ZNF491: variants seen among roughly 807,000 people sequenced by gnomAD.
ZNF491 encodes the protein zinc finger protein 491.
In ZNF491, 22 loss-of-function variants were observed where a neutral mutation model predicts 34.7. The observed-to-expected ratio is 0.63, with a 90% CI of 0.45 to 0.90. The LOEUF (loss-of-function observed/expected upper bound fraction) is 0.90, where lower values mean the gene tolerates loss of function less well. Ranked by LOEUF, ZNF491 falls within the 40% of genes least tolerant of loss-of-function variation. ZNF491 has a pLI of 0.00. For missense variants in ZNF491, 559 were observed against 531.7 expected, an observed-to-expected ratio of 1.05 and a Z score of -0.51; for synonymous variants, 148 against 174.3, an observed-to-expected ratio of 0.85 and a Z score of 1.19.
Position 11,807,327 on chromosome 19 carries a change from G to T in ZNF491, c.*60G>T. 1 of 1,345,850 alleles carries T rather than the reference G, an allele frequency of 7.4e-7. No homozygotes were observed. Among genetic ancestry groups the T allele is most frequent in the Non-Finnish European group, 9.9e-7 (1 of 1,013,090 alleles). The allele number at this position is 1,345,850 out of a possible 1,614,324, so 83.4% of individuals were successfully genotyped here. ...AGACAGGGTCTCACTATCTTGTCCAGGTTGGTCTTGAACTCCTGGCCTCAA... is the reference window on the plus strand; with the variant it reads ...AGACAGGGTCTCACTATCTTGTCCATGTTGGTCTTGAACTCCTGGCCTCAA... On this transcript the variant is annotated 3_prime_UTR_variant, in exon 3 of 3. Coordinates refer to ENST00000323169, the MANE Select transcript of ZNF491 (RefSeq NM_152356.4).
chr19:11,805,272 G>A (rs1975596202), intron 2 of ZNF491, among the ~76,000 whole-genome samples: 1 of 152,042 alleles, frequency 6.6e-6, no homozygotes, highest in Admixed American at 6.6e-5. Flanking sequence ...ATCCAGGCGT[G>A]GTGGCACATG....
rs1198617660 is a variant in ZNF491, at chr19:11,806,909, G to A, written c.956G>A (p.Arg319Lys). Residue 319 changes from arginine to lysine, a missense_variant, in exon 3 of 3, where the codon AGG (arginine) becomes AAG (lysine). Coordinates refer to ENST00000323169, the MANE Select transcript of ZNF491 (RefSeq NM_152356.4). ...TCSTSFQYHE[R>K]THTGEKPDGC... ...TCCACTTCGTTTCAATATCATGAAA[G>A]GACTCACACTGGAGAGAAACCCGAT... 3 of 1,612,726 alleles carry A rather than the reference G, an allele frequency of 1.9e-6. No individual in the cohort carries two copies. The highest frequency in any genetic ancestry group is 1.7e-5 in the Admixed American group (1 of 59,704).
In ZNF491 at chr19:11,807,230, G is replaced by C. The variant is rs374128344; in HGVS notation, c.1277G>C (p.Cys426Ser). Residue 426 changes from cysteine to serine, a missense_variant, in exon 3 of 3, where the codon TGT becomes TCT. By Grantham distance (112) the Cys-to-Ser change is moderately radical. Coordinates refer to ENST00000323169, the MANE Select transcript of ZNF491 (RefSeq NM_152356.4). ...CGKAFIRSSYCRKHERTHTIN... is the reference protein window; with the variant it reads ...CGKAFIRSSYSRKHERTHTIN... Reference sequence around the variant, plus strand: ...AAAGCCTTCATTCGTTCCAGTTACTGTCGAAAACATGAAAGAACTCACACT... The same window carrying C: ...AAAGCCTTCATTCGTTCCAGTTACTCTCGAAAACATGAAAGAACTCACACT... 5 of 1,561,226 alleles carry C rather than the reference G, an allele frequency of 3.2e-6. No homozygotes were observed. The highest frequency in any genetic ancestry group is 3.4e-6 in the Non-Finnish European group (4 of 1,159,426).
rs149633089 is a variant in ZNF491 at position 11,803,263 on chromosome 19, G to A, written c.-133-1279G>A. Reference sequence around the variant, plus strand: ...CTCCCAAAGTGCTGGGATTACAGGCGTGAGCTACCATACCTGGCCATAAAT... The same window carrying A: ...CTCCCAAAGTGCTGGGATTACAGGCATGAGCTACCATACCTGGCCATAAAT... On this transcript the variant is annotated intron_variant, in intron 1 of 2. Transcript: ENST00000323169. Among the ~76,000 whole-genome samples, 856 of 152,218 alleles carry A rather than the reference G, an allele frequency of 5.6e-3. 9 individuals are homozygous for A. Among genetic ancestry groups the A allele is most frequent in the African/African-American group, 0.019 (799 of 41,530 alleles).
At chr19:11,799,886 G>A (rs1030103791) in intron 1 of ZNF491, among the ~76,000 whole-genome samples, 1 of 151,884 alleles carries the variant, frequency 6.6e-6, no homozygotes, top group Non-Finnish European at 1.5e-5. Flanking sequence ...GAGCCGAGAT[G>A]GTGCCACTGC....
chr19:11,803,085 G>A (rs889565104), intron 1 of ZNF491, among the ~76,000 whole-genome samples: 1 of 151,212 alleles, frequency 6.6e-6, no homozygotes, highest in Non-Finnish European at 1.5e-5. Flanking sequence ...GGGTTCAAGT[G>A]ATTCTCATGC....
At chr19:11,803,947 G>C (rs1975581103) in intron 1 of ZNF491, among the ~76,000 whole-genome samples, 1 of 152,164 alleles carries the variant, frequency 6.6e-6, no homozygotes, top group African/African-American at 2.4e-5. Context: ...GCTTACGCCT[G>C]TAATCCCAAC....
Position 11,806,833 on chromosome 19 carries a change from A to C in ZNF491, c.880A>C (p.Thr294Pro), listed in dbSNP as rs765117186. 4.4e-6 allele frequency: 7 copies of C among 1,608,840 alleles called. No homozygotes were observed. Among genetic ancestry groups the C allele is most frequent in the African/African-American group, 4.0e-5 (3 of 74,620 alleles). The change falls in exon 3 of 3, where the codon ACT (threonine) becomes CCT (proline). Residue 294 changes from threonine to proline, a missense_variant. By Grantham distance (38) the Thr-to-Pro change is conservative (BLOSUM62 -1). Coordinates refer to ENST00000323169, the MANE Select transcript of ZNF491 (RefSeq NM_152356.4). Reference sequence around the variant, plus strand: ...ATTTCAAAGGCATGAAAGAAGTCACACTGGAGAGAAACCCTACAAATGCAA... The same window carrying C: ...ATTTCAAAGGCATGAAAGAAGTCACCCTGGAGAGAAACCCTACAAATGCAA... ...SSFQRHERSH[T>P]GEKPYKCKQC...
rs977210357 is a variant in ZNF491, at chr19:11,798,829, G to A, written c.-134+102G>A. On this transcript the variant is annotated intron_variant, in intron 1 of 2. Coordinates refer to ENST00000323169, the MANE Select transcript of ZNF491 (RefSeq NM_152356.4). This position sits in a 1 kb window ranked among gnomAD's most constrained non-coding sequence, Gnocchi z 4.0. Reference sequence around the variant, plus strand: ...CCCAGGCCTCCGCTCGGGCGACCCCGGCGATTGGGACCCGCGTCCCCCATG... The same window carrying A: ...CCCAGGCCTCCGCTCGGGCGACCCCAGCGATTGGGACCCGCGTCCCCCATG... 2 of 152,354 alleles carry A rather than the reference G, an allele frequency of 1.3e-5. No homozygotes were observed. The highest frequency in any genetic ancestry group is 6.5e-5 in the Admixed American group (1 of 15,292). 9.4% of individuals were successfully genotyped at this position (152,354 alleles called of 1,614,324 possible).
Position 11,806,011 on chromosome 19 carries a change from C to T in ZNF491, c.58C>T (p.Gln20Ter). 2 of 1,611,812 alleles carry T rather than the reference C, an allele frequency of 1.2e-6. No individual in the cohort carries two copies. The highest frequency in any genetic ancestry group is 1.7e-6 in the Non-Finnish European group (2 of 1,179,042). ...EGSQCGETFT[Q>*]VPEDMLNKKT... The stretch of plus-strand genomic sequence containing the variant: ...TAGTCAGTGTGGAGAAACTTTCACC[C>T]AGGTTCCGGAAGACATGCTGAACAA... Residue 20 changes from glutamine to a stop codon, truncating the protein, a stop_gained, in exon 3 of 3, where the codon CAG becomes TAG. Coordinates refer to ENST00000323169, the MANE Select transcript of ZNF491 (RefSeq NM_152356.4). LOFTEE classifies it high-confidence loss of function.
chr19:11,804,203 A>ATAC (rs1975584404), intron 1 of ZNF491, among the ~76,000 whole-genome samples: 1 of 113,368 alleles, frequency 8.8e-6, no homozygotes, highest in Non-Finnish European at 2.0e-5. Flanking sequence ...GCCCCATCTC[A>ATAC]GACAAAAAAA....
At position 11,807,936 on chromosome 19, in the gene ZNF491, A is replaced by G. The variant is rs1975636362; in HGVS notation, c.*669A>G. The G allele has an allele frequency of 6.0e-6, 1 of 167,084 alleles. No individual in the cohort carries two copies. Among genetic ancestry groups the G allele is most frequent in the Non-Finnish European group, 1.5e-5 (1 of 68,132 alleles). The allele number at this position is 167,084 out of a possible 1,614,324, so 10.4% of individuals were successfully genotyped here. On this transcript the variant is annotated 3_prime_UTR_variant, in exon 3 of 3. Coordinates refer to ENST00000323169, the MANE Select transcript of ZNF491 (RefSeq NM_152356.4). ...GTCTCATCCAGGACTCTCATGTGAGAAGGAACACCTTGCTCTGGTCAGGAA... is the reference window on the plus strand; with the variant it reads ...GTCTCATCCAGGACTCTCATGTGAGGAGGAACACCTTGCTCTGGTCAGGAA...
chr19:11,803,238 C>G (rs946890676), intron 1 of ZNF491, among the ~76,000 whole-genome samples: 8 of 152,134 alleles, frequency 5.3e-5, no homozygotes, highest in Admixed American at 5.2e-4. Flanking sequence ...CTGTCTTGGC[C>G]TCCCAAAGTG....
At position 11,806,497 on chromosome 19, in the gene ZNF491, A is replaced by G. The variant is rs755745473; in HGVS notation, c.544A>G (p.Thr182Ala). The G allele has an allele frequency of 1.2e-5, 20 of 1,613,972 alleles. No homozygotes were observed. Among genetic ancestry groups the G allele is most frequent in the South Asian group, 2.2e-5 (2 of 91,062 alleles). The change falls in exon 3 of 3, where the codon ACT becomes GCT. Residue 182 changes from threonine (T) to alanine (A), a missense_variant. Thr to Ala is a moderately conservative substitution (Grantham distance 58). Coordinates refer to ENST00000323169, the MANE Select transcript of ZNF491 (RefSeq NM_152356.4). ...TGTTCGAATCCATGAAAGAACTCAC[A>G]CTGGGGAGAAGCCATATGAATGTAA... Reference protein sequence around the residue: ...SSVRIHERTHTGEKPYECKEC... With the variant: ...SSVRIHERTHAGEKPYECKEC...
Position 11,806,427 on chromosome 19 carries a change from A to G in ZNF491, c.474A>G (p.Arg158=). ...THERTHTGEK[R]YECKQCGKAF... is the part of the protein sequence containing the mutation. ...AACGAACTCACACTGGAGAGAAACG[A>G]TATGAATGTAAACAATGTGGTAAAG... Residue 158 remains arginine, a synonymous_variant, in exon 3 of 3, where the codon CGA becomes CGG. Coordinates refer to ENST00000323169, the MANE Select transcript of ZNF491 (RefSeq NM_152356.4). The G allele has an allele frequency of 1.9e-6, 3 of 1,612,298 alleles. No individual in the cohort carries two copies. Among genetic ancestry groups the G allele is most frequent in the Non-Finnish European group, 2.5e-6 (3 of 1,179,364 alleles).
Position 11,806,483 on chromosome 19 carries a change from A to G in ZNF491, c.530A>G (p.His177Arg). 3 of 1,613,970 alleles carry G rather than the reference A, an allele frequency of 1.9e-6. No homozygotes were observed. The highest frequency in any genetic ancestry group is 1.3e-5 in the African/African-American group (1 of 75,060). The change falls in exon 3 of 3, where the codon CAT becomes CGT. Residue 177 changes from histidine (H) to arginine (R), a missense_variant. By Grantham distance (29) the His-to-Arg change is conservative. Coordinates refer to ENST00000323169, the MANE Select transcript of ZNF491 (RefSeq NM_152356.4). The stretch of plus-strand genomic sequence containing the variant: ...AGTTGGCACAGTTCTGTTCGAATCC[A>G]TGAAAGAACTCACACTGGGGAGAAG... ...AFSWHSSVRI[H>R]ERTHTGEKPY...
chr19:11,808,245 G>T lies in ZNF491; in HGVS notation c.*978G>T, dbSNP rs551546620. ...AAAAGTACCAAAGTTAGCCGGGTGT[G>T]GTGGTGGATACCTGTAATCCCAGCT... On this transcript the variant is annotated 3_prime_UTR_variant, in exon 3 of 3. Transcript: ENST00000323169. 2.6e-5 allele frequency among the ~76,000 whole-genome samples: 4 copies of T among 152,152 alleles called. No individual in the cohort carries two copies. Among genetic ancestry groups the T allele is most frequent in the Admixed American group, 2.6e-4 (4 of 15,282 alleles).
In ZNF491 at chr19:11,807,014, C is replaced by T. The variant is rs1051832110; in HGVS notation, c.1061C>T (p.Pro354Leu). 1.2e-6 allele frequency: 2 copies of T among 1,611,598 alleles called. No homozygotes were observed. Among genetic ancestry groups the T allele is most frequent in the East Asian group, 2.2e-5 (1 of 44,860 alleles). ...IHGRTHTGEK[P>L]YECKQCGKAF... ...GGAAGGACTCACACTGGTGAGAAAC[C>T]CTATGAATGTAAGCAATGTGGGAAA... is the stretch of plus-strand genomic sequence containing the variant. The change falls in exon 3 of 3, where the codon CCC (proline) becomes CTC (leucine). Residue 354 changes from proline to leucine, a missense_variant. Coordinates refer to ENST00000323169, the MANE Select transcript of ZNF491 (RefSeq NM_152356.4).
chr19:11,803,569 C>T (rs946861152), intron 1 of ZNF491, among the ~76,000 whole-genome samples: 6 of 152,148 alleles, frequency 3.9e-5, no homozygotes, highest in African/African-American at 1.4e-4. Context: ...ATTTCTCAGT[C>T]TTCCCTTGTT....
Sources: gnomAD v4.1 joint callset for allele counts (sites outside exome capture counted in the v4.1 genomes callset) on GRCh38, gnomAD v4.1.1 for gene constraint, Gnocchi (gnomAD v3.1) non-coding constraint, MANE v1.5 for transcripts, NCBI Gene and HGNC (gene_info 2026-07-23, HGNC 2026-07-21) for gene names.